The following TMEM40 variants were observed in gnomAD, a reference collection of about 807,000 sequenced individuals.
TMEM40 encodes transmembrane protein 40.
In TMEM40, 34 loss-of-function variants were observed where a neutral mutation model predicts 40.8. The observed-to-expected ratio is 0.83, with a 90% CI of 0.63 to 1.11. The LOEUF is 1.11. Ranked by LOEUF, TMEM40 falls within the 50% of genes least tolerant of loss-of-function variation. TMEM40 has a pLI of 0.00. For missense variants in TMEM40, 296 were observed against 280.2 expected, an observed-to-expected ratio of 1.06 and a Z score of -0.40; for synonymous variants, 106 against 107.0, an observed-to-expected ratio of 0.99 and a Z score of 0.06.
chr3:12,749,757 T>C lies in TMEM40; in HGVS notation c.73+3A>G. 6.2e-7 allele frequency: 1 copy of C among 1,613,588 alleles called. No homozygotes were observed. Among genetic ancestry groups the C allele is most frequent in the South Asian group, 1.1e-5 (1 of 90,956 alleles). On this transcript the variant is annotated splice_donor_region_variant and intron_variant, in intron 2 of 11. Coordinates refer to ENST00000314124, the MANE Select transcript of TMEM40 (RefSeq NM_018306.4). ...CCCAGAGGGTCAGAGAAGGCAAACG[T>C]ACAGTCTACATCTTCTGTTTCTCTG... is the stretch of plus-strand genomic sequence containing the variant.
Position 12,743,913 on chromosome 3 carries a change from C to T in TMEM40, c.288G>A (p.Gly96=). ...CCTATTTCCTACCGGGTGAGCCGTT[C>T]CCGTGGGGGTATCCAGCCCCCAGGC... ...RRSLGAGYPH[G]NGSPGPGHGE... is the part of the protein sequence containing the mutation. Residue 96 remains glycine, a synonymous_variant, in exon 4 of 12, where the codon GGG becomes GGA. Coordinates refer to ENST00000314124, the MANE Select transcript of TMEM40 (RefSeq NM_018306.4). 1.2e-6 allele frequency: 2 copies of T among 1,613,270 alleles called. No individual in the cohort carries two copies. The highest frequency in any genetic ancestry group is 1.7e-6 in the Non-Finnish European group (2 of 1,179,720).
chr3:12,738,777 A>G, intron 5 of TMEM40, 189 bp from the exon 6 acceptor site: 1 of 595,388 alleles, frequency 1.7e-6, no homozygotes, highest in African/African-American at 1.8e-5. Flanking sequence ...AGCCACAGAA[A>G]GCTGCTGTAG....
intron 1 of TMEM40, among the ~76,000 whole-genome samples, chr3:12,755,233 C>CTCTCTCTGTG (rs1553634013): frequency 1.7e-5 from 1 of 59,886 alleles, no homozygotes. Flanking sequence ...CTCTCTCTCT[C>CTCTCTCTGTG]TCTTTCTTTC....
chr3:12,736,686 T>G, intron 9 of TMEM40, 34 bp from the exon 10 acceptor site: 3 of 1,613,284 alleles, frequency 1.9e-6, no homozygotes, highest in South Asian at 1.1e-5. Flanking sequence ...ATGGTCAGCC[T>G]CCAGGTCTTG....
At chr3:12,759,722 A>G (rs1347503578), upstream of TMEM40, among the ~76,000 whole-genome samples, 1 of 152,132 alleles carries the variant, frequency 6.6e-6, no homozygotes, top group Non-Finnish European at 1.5e-5. Context: ...GGCTCAGGAG[A>G]CTGGCAGTGC....
At chr3:12,748,633 T>C in intron 3 of TMEM40, 22 bp downstream of exon 3, 1 of 1,601,588 alleles carries the variant, frequency 6.2e-7, no homozygotes, top group Non-Finnish European at 8.5e-7. Context: ...ATAATATACA[T>C]ATATTTAAAT....
intron 1 of TMEM40, among the ~76,000 whole-genome samples, chr3:12,750,774 A>G (rs2061469684): frequency 6.6e-6 from 1 of 152,154 alleles, no homozygotes. Flanking sequence ...CATGTTTCTC[A>G]GCCTCAACAC....
At chr3:12,760,035 AC>A (rs780958755), upstream of TMEM40, among the ~76,000 whole-genome samples, 1 of 151,824 alleles carries the variant, frequency 6.6e-6, no homozygotes, top group Non-Finnish European at 1.5e-5. Context: ...GGTCTTCCAT[AC>A]CCTAAGCTCA....
intron 4 of TMEM40, among the ~76,000 whole-genome samples, chr3:12,743,383 C>T (rs1361745186): frequency 6.6e-6 from 1 of 152,174 alleles, no homozygotes; most frequent in Non-Finnish European, 1.5e-5. Context: ...GGGAGAATCA[C>T]TTGAACCCCA....
At chr3:12,768,062 G>T (rs2061602557) in intron 1 of TMEM40, among the ~76,000 whole-genome samples, 1 of 152,180 alleles carries the variant, frequency 6.6e-6, no homozygotes. Flanking sequence ...CAGTGTTACA[G>T]TTCTTAAAGG....
intron 1 of TMEM40, 140 bp from the exon 2 acceptor site, chr3:12,749,980 A>G (rs1219387262): frequency 1.1e-6 from 1 of 883,678 alleles, no homozygotes; most frequent in Non-Finnish European, 1.7e-6. Context: ...AAAAAATGGT[A>G]GTTCTGTTGG....
chr3:12,765,039 T>C (rs569557665), intron 1 of TMEM40, among the ~76,000 whole-genome samples: 2 of 152,154 alleles, frequency 1.3e-5, no homozygotes, highest in East Asian at 3.9e-4. Context: ...GCCTGGCTAA[T>C]TTTTGTATTT....
chr3:12,764,487 G>A (rs924162715), intron 1 of TMEM40, among the ~76,000 whole-genome samples: 5 of 152,328 alleles, frequency 3.3e-5, no homozygotes, highest in African/African-American at 9.6e-5. Context: ...AGATTTGGAA[G>A]CTCCTGCACG....
chr3:12,761,293 G>C (rs951896470), upstream of TMEM40, among the ~76,000 whole-genome samples: 1 of 152,182 alleles, frequency 6.6e-6, no homozygotes, highest in Non-Finnish European at 1.5e-5. Context: ...AGAGGGACAT[G>C]ACCAAACCTG....
intron 1 of TMEM40, among the ~76,000 whole-genome samples, chr3:12,752,166 G>C (rs1179652898): frequency 6.6e-6 from 1 of 152,072 alleles, no homozygotes; most frequent in Admixed American, 6.6e-5. Flanking sequence ...ACAGCTCACT[G>C]CAGCCTTGAA....
chr3:12,736,719 C>T (rs1175473381), intron 9 of TMEM40, 45 bp downstream of exon 9: 1 of 1,613,814 alleles, frequency 6.2e-7, no homozygotes, highest in Admixed American at 1.7e-5. Context: ...CCTGCACCAC[C>T]CCATGCCATC....
chr3:12,767,308 T>G (rs1434885794), intron 1 of TMEM40, among the ~76,000 whole-genome samples: 3 of 151,780 alleles, frequency 2.0e-5, no homozygotes, highest in Admixed American at 6.6e-5. Context: ...GAATAAAAAT[T>G]TGGCCTCCAG....
intron 1 of TMEM40, among the ~76,000 whole-genome samples, chr3:12,765,721 C>T (rs1313488658): frequency 6.6e-6 from 1 of 152,004 alleles, no homozygotes; most frequent in Non-Finnish European, 1.5e-5. Context: ...AGGCGCCTGC[C>T]ACCACGCCCA....
At position 12,749,727 on chromosome 3, in the gene TMEM40, T is replaced by C. The variant is rs2061458277; in HGVS notation, c.73+33A>G. The C allele has an allele frequency of 5.6e-6, 9 of 1,604,822 alleles. No individual in the cohort carries two copies. The East Asian group carries it at 2.0e-4, about 36-fold the overall frequency. On this transcript the variant is annotated intron_variant, in intron 2 of 11. Transcript: ENST00000314124. ...CTTTTGGACTCCACCTCCCATGTGGTTTTGCCCAGAGGGTCAGAGAAGGCA... is the reference window on the plus strand; with the variant it reads ...CTTTTGGACTCCACCTCCCATGTGGCTTTGCCCAGAGGGTCAGAGAAGGCA...
Sources: allele counts gnomAD v4.1 joint callset (sites outside exome capture counted in the v4.1 genomes callset), GRCh38; gene constraint gnomAD v4.1.1; transcripts MANE v1.5; gene names NCBI Gene and HGNC (gene_info 2026-07-23, HGNC 2026-07-21).